The following SEPTIN9 variants were observed in gnomAD, a reference collection of about 807,000 sequenced individuals.
SEPTIN9 encodes septin-9.
In SEPTIN9, 13 loss-of-function variants were observed where a neutral mutation model predicts 56.6. The ratio of observed to expected loss-of-function variants is 0.23; its 90% CI spans 0.15 to 0.37. The LOEUF is 0.37. Among genes scored for constraint, SEPTIN9 ranks in the 10% least tolerant of loss-of-function variants. SEPTIN9 has a pLI of 1.00. For missense variants in SEPTIN9, 650 were observed against 823.1 expected (o/e 0.79, Z 2.57); for synonymous variants, 332 against 334.1 (o/e 0.99, Z 0.07).
rs190063068 is a variant in SEPTIN9, at chr17:77,341,091, T to C, written c.76+33894T>C. Among the ~76,000 whole-genome samples the C allele has an allele frequency of 2.0e-4, 31 of 152,380 alleles. No homozygotes were observed. The East Asian group carries it at 5.8e-3, about 28-fold the overall frequency. On this transcript the variant is annotated intron_variant, in intron 2 of 11. Coordinates refer to ENST00000427177, the MANE Select transcript of SEPTIN9 (RefSeq NM_001113491.2). Reference sequence around the variant, plus strand: ...GCTTTCTTCTTCTTCATGTGTGCACTGGAATCGCACTTTTAATTTCTTTCA... The same window carrying C: ...GCTTTCTTCTTCTTCATGTGTGCACCGGAATCGCACTTTTAATTTCTTTCA...
At chr17:77,490,683 G>A (rs780229438) in intron 7 of SEPTIN9, 59 bp from the exon 8 acceptor site, 33 of 1,307,862 alleles carry the variant, frequency 2.5e-5, no homozygotes, top group Non-Finnish European at 3.6e-5. Context: ...CTTGGGGGTG[G>A]GTGCCCCCCC....
intron 7 of SEPTIN9, 99 bp from the exon 8 acceptor site, chr17:77,490,643 C>G (rs572566790): frequency 1.0e-6 from 1 of 956,698 alleles, no homozygotes; most frequent in South Asian, 1.4e-5. Context: ...CCGTGAGCCC[C>G]GAGCCAGCAC....
In SEPTIN9 at chr17:77,498,709, C is replaced by CA. The variant is rs1272732429; in HGVS notation, c.*51_*52insA. 5.1e-6 allele frequency: 6 copies of CA among 1,167,346 alleles called. No homozygotes were observed. In the East Asian group the frequency reaches 7.7e-5, roughly 15 times the overall value. 72.3% of individuals were successfully genotyped at this position (1,167,346 alleles called of 1,614,324 possible). ...CCTGCCCCCAAGTCATTTCCGTCCC[C>CA]CCCCAGGCCCTCCCACCACCCCATT... is the stretch of plus-strand genomic sequence containing the variant. On this transcript the variant is annotated 3_prime_UTR_variant, in exon 12 of 12. Coordinates refer to ENST00000427177, the MANE Select transcript of SEPTIN9 (RefSeq NM_001113491.2).
chr17:77,403,638 C>T (rs925687406), intron 3 of SEPTIN9, among the ~76,000 whole-genome samples: 4 of 152,168 alleles, frequency 2.6e-5, no homozygotes, highest in Admixed American at 6.5e-5. Context: ...GGGTTAGAAG[C>T]CCCTCAAGAG....
chr17:77,371,521 C>T lies in SEPTIN9; in HGVS notation c.77-30538C>T, dbSNP rs901528475. ...CTGTGGCTTAGGATGGCTGTTGTGC[C>T]GGACCCGGCATCTTCCCAGGGGGGC... On this transcript the variant is annotated intron_variant, in intron 2 of 11. Coordinates refer to ENST00000427177, the MANE Select transcript of SEPTIN9 (RefSeq NM_001113491.2). This position sits in a 1 kb window ranked among gnomAD's most constrained non-coding sequence, Gnocchi z 4.1. 7.2e-5 allele frequency among the ~76,000 whole-genome samples: 11 copies of T among 152,158 alleles called. No homozygotes were observed. The highest frequency in any genetic ancestry group is 1.2e-4 in the African/African-American group (5 of 41,438).
At chr17:77,349,511 T>G (rs1056618176) in intron 2 of SEPTIN9, among the ~76,000 whole-genome samples, 3 of 152,232 alleles carry the variant, frequency 2.0e-5, no homozygotes, top group African/African-American at 7.2e-5. Context: ...TCCAGTGTCT[T>G]TGGCCTCCGT....
At chr17:77,373,775 C>A in intron 2 of SEPTIN9, 1 of 784,952 alleles carries the variant, frequency 1.3e-6, no homozygotes, top group Non-Finnish European at 1.8e-6. Flanking sequence ...GTAGACCCTG[C>A]GCGCCCTCAC....
At chr17:77,361,079 A>G (rs1222709882) in intron 2 of SEPTIN9, among the ~76,000 whole-genome samples, 1 of 151,856 alleles carries the variant, frequency 6.6e-6, no homozygotes, top group Non-Finnish European at 1.5e-5. Context: ...GCCCACCACC[A>G]CGTCCAGCTA....
intron 3 of SEPTIN9, among the ~76,000 whole-genome samples, chr17:77,428,346 C>T (rs1456112729): frequency 1.3e-5 from 2 of 152,208 alleles, no homozygotes; most frequent in African/African-American, 4.8e-5. Flanking sequence ...AGAATCTCAA[C>T]TGGGGAGACA....
intron 3 of SEPTIN9, among the ~76,000 whole-genome samples, chr17:77,481,226 G>A (rs1361186928): frequency 3.3e-5 from 5 of 152,248 alleles, no homozygotes; most frequent in Admixed American, 6.5e-5. Flanking sequence ...CAGGGCCATC[G>A]AAGGGACCTA....
chr17:77,322,417 G>A lies in SEPTIN9; in HGVS notation c.76+15220G>A, dbSNP rs539513009. The stretch of plus-strand genomic sequence containing the variant: ...AGATGCTTTCTACAAAATCCCATTC[G>A]GATGTGTTTTCATGTAAGAAAACGT... On this transcript the variant is annotated intron_variant, in intron 2 of 11. Coordinates refer to ENST00000427177, the MANE Select transcript of SEPTIN9 (RefSeq NM_001113491.2). 2.4e-4 allele frequency among the ~76,000 whole-genome samples: 36 copies of A among 152,330 alleles called. 1 individual carries two copies. Among genetic ancestry groups the A allele is most frequent in the Middle Eastern group, 3.4e-3 (1 of 294 alleles).
chr17:77,498,654 T>G lies in SEPTIN9; in HGVS notation c.1757T>G (p.Met586Arg). The change falls in exon 12 of 12, where the codon ATG becomes AGG. Residue 586 changes from methionine to arginine, a missense_variant. Physicochemically the swap from Met to Arg is moderately conservative, Grantham distance 91 (BLOSUM62 -1). This residue lies in a region of SEPTIN9 where 333 missense variants were observed against 494.0 expected (regional missense o/e 0.67). Coordinates refer to ENST00000427177, the MANE Select transcript of SEPTIN9 (RefSeq NM_001113491.2). ...MEEKEPEAPE[M>R] ...GAGAAGGAGCCAGAAGCCCCGGAGA[T>G]GTAGACGCCACCCTGCCCACCCCCG... is the stretch of plus-strand genomic sequence containing the variant. 1 of 1,607,242 alleles carries G rather than the reference T, an allele frequency of 6.2e-7. No homozygotes were observed. The highest frequency in any genetic ancestry group is 8.5e-7 in the Non-Finnish European group (1 of 1,177,542).
chr17:77,432,238 C>G (rs781409141), intron 3 of SEPTIN9, among the ~76,000 whole-genome samples: 6 of 152,190 alleles, frequency 3.9e-5, no homozygotes, highest in Non-Finnish European at 8.8e-5. Context: ...AATGTCCACT[C>G]GAGACATGAT....
rs1176333635 is a variant in SEPTIN9 at position 77,445,393 on chromosome 17, A to G, written c.722-36751A>G. On this transcript the variant is annotated intron_variant, in intron 3 of 11. Coordinates refer to ENST00000427177, the MANE Select transcript of SEPTIN9 (RefSeq NM_001113491.2). This position sits in a 1 kb window ranked among gnomAD's most constrained non-coding sequence, Gnocchi z 4.7. ...GCTGCATCCCATTGGGGTGTTGCCC[A>G]GGATGGATTGGAAAAGAGTTGGCAG... 2.1e-6 allele frequency: 1 copy of G among 467,700 alleles called. No individual in the cohort carries two copies. Among genetic ancestry groups the G allele is most frequent in the Non-Finnish European group, 4.4e-6 (1 of 227,032 alleles). The allele number at this position is 467,700 out of a possible 1,614,324, so 29.0% of individuals were successfully genotyped here. A position where few individuals can be genotyped will look rare whatever the true frequency, so the allele number is the denominator to read the frequency against.
chr17:77,457,385 C>T (rs1262541295), intron 3 of SEPTIN9, among the ~76,000 whole-genome samples: 2 of 152,214 alleles, frequency 1.3e-5, no homozygotes, highest in African/African-American at 2.4e-5. Context: ...CAAGTCTCCC[C>T]TAGAGGCGCC....
intron 3 of SEPTIN9, among the ~76,000 whole-genome samples, chr17:77,470,083 C>G (rs1331225657): frequency 1.3e-5 from 2 of 150,330 alleles, no homozygotes; most frequent in African/African-American, 4.9e-5. Flanking sequence ...ACCCATCTAT[C>G]CATCCACTCA....
At chr17:77,357,950 C>A (rs1180570911) in intron 2 of SEPTIN9, among the ~76,000 whole-genome samples, 4 of 152,214 alleles carry the variant, frequency 2.6e-5, no homozygotes, top group Admixed American at 6.5e-5. Context: ...GTCCTGTTTT[C>A]ATTCCTATGA....
At chr17:77,322,227 C>T (rs1009022985) in intron 2 of SEPTIN9, among the ~76,000 whole-genome samples, 1 of 152,198 alleles carries the variant, frequency 6.6e-6, no homozygotes, top group South Asian at 2.1e-4. Context: ...TGATGGCACC[C>T]TCCCAGGCTC....
intron 2 of SEPTIN9, among the ~76,000 whole-genome samples, chr17:77,350,612 T>A (rs984788526): frequency 1.5e-5 from 2 of 129,572 alleles, no homozygotes; most frequent in Non-Finnish European, 3.4e-5. Context: ...TCCAGTGCAG[T>A]GTGTGTGTGT....
Sources: gnomAD v4.1 joint callset for allele counts (sites outside exome capture counted in the v4.1 genomes callset) on GRCh38, gnomAD v4.1.1 for gene constraint, gnomAD v4.1.1 regional missense constraint, Gnocchi (gnomAD v3.1) non-coding constraint, MANE v1.5 for transcripts, NCBI Gene and HGNC (gene_info 2026-07-23, HGNC 2026-07-21) for gene names.